NRXN1: variants seen among roughly 807,000 people sequenced by gnomAD.
NRXN1 encodes neurexin 1.
NRXN1 carries 39 observed loss-of-function variants against 150.9 expected under a neutral mutation model. The ratio of observed to expected loss-of-function variants is 0.26; its 90% CI spans 0.20 to 0.34. The LOEUF (loss-of-function observed/expected upper bound fraction) is 0.34. Ranked by LOEUF, NRXN1 falls within the 10% of genes least tolerant of loss-of-function variation. The pLI is 1.00. For missense variants in NRXN1, 1,815 were observed against 1,949.9 expected (o/e 0.93, Z 1.30); for synonymous variants, 924 against 757.0 (o/e 1.22, Z -3.62).
intron 18 of NRXN1, among the ~76,000 whole-genome samples, chr2:50,183,001 A>C (rs1431150632): frequency 1.3e-5 from 2 of 152,108 alleles, no homozygotes; most frequent in Non-Finnish European, 2.9e-5. Flanking sequence ...CAATGTATAC[A>C]TACCATAGAG....
chr2:50,348,891 C>T (rs2078228611), intron 17 of NRXN1, among the ~76,000 whole-genome samples: 1 of 150,866 alleles, frequency 6.6e-6, no homozygotes, highest in South Asian at 2.1e-4. Context: ...CAACATTGAA[C>T]AGGAATGATT....
At chr2:50,790,166 C>T (rs187097086) in intron 5 of NRXN1, among the ~76,000 whole-genome samples, 5 of 151,092 alleles carry the variant, frequency 3.3e-5, no homozygotes, top group Non-Finnish European at 5.9e-5. Flanking sequence ...CACACACAAA[C>T]AGGGTCTACC....
intron 18 of NRXN1, among the ~76,000 whole-genome samples, chr2:50,106,353 G>C (rs1275265332): frequency 6.6e-6 from 1 of 151,886 alleles, no homozygotes; most frequent in Non-Finnish European, 1.5e-5. Flanking sequence ...GCTTATACCA[G>C]TGCTGCCCTG....
chr2:50,053,131 T>G lies in NRXN1; in HGVS notation c.4128+140A>C, dbSNP rs543793452. 2.5e-5 allele frequency: 20 copies of G among 789,234 alleles called. No individual in the cohort carries two copies. In the African/African-American group the frequency reaches 3.1e-4, roughly 12 times the overall value. 48.9% of individuals were successfully genotyped at this position (789,234 alleles called of 1,614,324 possible). On this transcript the variant is annotated intron_variant, in intron 21 of 22. Transcript: ENST00000401669. ...CATTTCATATTCAAACGGAATGCAT[T>G]ATGTTAAGCTAGTTTCAAAGGAAGC... is the stretch of plus-strand genomic sequence containing the variant.
chr2:50,169,447 G>C (rs927103832), intron 18 of NRXN1, among the ~76,000 whole-genome samples: 7 of 152,152 alleles, frequency 4.6e-5, no homozygotes, highest in African/African-American at 1.7e-4. Context: ...GGGCCCAGTG[G>C]CTCATGCTAG....
At chr2:49,965,708 T>C (rs1365322843) in intron 21 of NRXN1, among the ~76,000 whole-genome samples, 2 of 152,340 alleles carry the variant, frequency 1.3e-5, no homozygotes, top group South Asian at 4.1e-4. Flanking sequence ...TTTGGCAGTT[T>C]TGAAATTTAC....
intron 22 of NRXN1, among the ~76,000 whole-genome samples, chr2:49,923,593 A>C (rs536756403): frequency 6.6e-6 from 1 of 152,316 alleles, no homozygotes; most frequent in African/African-American, 2.4e-5. Flanking sequence ...AACATCATTT[A>C]GTAATTAATT....
In NRXN1 at chr2:49,988,423, T is replaced by A. The variant is rs145768612; in HGVS notation, c.4129-44632A>T. On this transcript the variant is annotated intron_variant, in intron 21 of 22. Transcript: ENST00000401669. ...CAAAAAGAGGGGTCACAGATCTGAG[T>A]TGACTCTTCCTTTTTCATGAGTCAT... 6.9e-3 allele frequency among the ~76,000 whole-genome samples: 1,056 copies of A among 151,946 alleles called. 3 individuals carry two copies. Among genetic ancestry groups the A allele is most frequent in the Non-Finnish European group, 0.01 (702 of 67,926 alleles).
Position 50,552,756 on chromosome 2 carries a change from G to C in NRXN1, c.1590C>G (p.Ala530=). ...CCACCTTTATCATCTGTGGGTGCTT[G>C]GCATCTTTCTGATGTCTTGGCTTGC... ...SHGKPRHQKD[A]KHPQMIKVDF... is the part of the protein sequence containing the mutation. Residue 530 remains alanine (A), a synonymous_variant, in exon 9 of 23, where the codon GCC becomes GCG. Transcript: ENST00000401669. 1.2e-6 allele frequency: 2 copies of C among 1,613,924 alleles called. No homozygotes were observed. Among genetic ancestry groups the C allele is most frequent in the Admixed American group, 3.3e-5 (2 of 60,022 alleles).
intron 5 of NRXN1, among the ~76,000 whole-genome samples, chr2:50,625,448 T>C (rs2104326072): frequency 6.6e-6 from 1 of 152,206 alleles, no homozygotes; most frequent in East Asian, 1.9e-4. Flanking sequence ...TCTGTAATAG[T>C]GAATCCCTCC....
chr2:50,504,395 T>G lies in NRXN1; in HGVS notation c.2497+2100A>C, dbSNP rs541918490. On this transcript the variant is annotated intron_variant, in intron 13 of 22. Transcript: ENST00000401669. Reference sequence around the variant, plus strand: ...GTTAAAGGGACACTGTGTATGTAACTTACCCTCAACTGGCTAAGAGAAAAG... The same window carrying G: ...GTTAAAGGGACACTGTGTATGTAACGTACCCTCAACTGGCTAAGAGAAAAG... Among the ~76,000 whole-genome samples the G allele has an allele frequency of 3.2e-3, 483 of 152,212 alleles. 2 individuals carry two copies. Among genetic ancestry groups the G allele is most frequent in the Non-Finnish European group, 5.0e-3 (337 of 68,002 alleles).
At chr2:50,765,080 C>G (rs1702234559) in intron 5 of NRXN1, among the ~76,000 whole-genome samples, 1 of 152,034 alleles carries the variant, frequency 6.6e-6, no homozygotes, top group Non-Finnish European at 1.5e-5. Flanking sequence ...ATCAGACCAG[C>G]TCCTATGGAA....
At chr2:50,464,760 A>T (rs1520456) in intron 17 of NRXN1, among the ~76,000 whole-genome samples, 74,701 of 151,740 alleles carry the variant, frequency 0.49, 19,311 homozygotes, top group African/African-American at 0.64. Context: ...AGGACCTATT[A>T]GAACATTAAG....
intron 2 of NRXN1, among the ~76,000 whole-genome samples, chr2:50,951,374 A>T (rs2104587491): frequency 6.6e-6 from 1 of 152,328 alleles, no homozygotes; most frequent in East Asian, 1.9e-4. Flanking sequence ...ACAGTACAGT[A>T]TGCTCATTGA....
chr2:51,027,165 A>G (rs1670625114), intron 2 of NRXN1, among the ~76,000 whole-genome samples: 1 of 152,202 alleles, frequency 6.6e-6, no homozygotes, highest in South Asian at 2.1e-4. Flanking sequence ...GTGGTCATAT[A>G]GGTGGGCCGC....
intron 5 of NRXN1, among the ~76,000 whole-genome samples, chr2:50,753,923 A>G (rs1310357219): frequency 7.6e-6 from 1 of 130,972 alleles, no homozygotes; most frequent in African/African-American, 3.0e-5. Context: ...TTATTTTACA[A>G]TTTTCTACAT....
intron 21 of NRXN1, among the ~76,000 whole-genome samples, chr2:49,977,494 T>G (rs935711836): frequency 6.6e-6 from 1 of 152,218 alleles, no homozygotes; most frequent in Non-Finnish European, 1.5e-5. Flanking sequence ...TCTACCTTCT[T>G]TCCGAAAGAT....
intron 5 of NRXN1, among the ~76,000 whole-genome samples, chr2:50,726,158 G>A (rs1452848276): frequency 6.6e-6 from 1 of 152,110 alleles, no homozygotes; most frequent in East Asian, 1.9e-4. Flanking sequence ...TACCTAGCGA[G>A]GACCTGTTAA....
chr2:50,982,522 A>G (rs888684867), intron 2 of NRXN1, among the ~76,000 whole-genome samples: 5 of 152,098 alleles, frequency 3.3e-5, no homozygotes, highest in Admixed American at 6.6e-5. Flanking sequence ...AGCATATTAC[A>G]TATAGAAGGT....
Sources: gnomAD v4.1 joint callset for allele counts (sites outside exome capture counted in the v4.1 genomes callset) on GRCh38, gnomAD v4.1.1 for gene constraint, MANE v1.5 for transcripts, NCBI Gene and HGNC (gene_info 2026-07-23, HGNC 2026-07-21) for gene names.